MYT1: variants seen among roughly 807,000 people sequenced by gnomAD.
MYT1 encodes myelin transcription factor 1.
A neutral mutation model predicts 123.0 loss-of-function variants in MYT1; 23 were observed. The ratio of observed to expected loss-of-function variants is 0.19; its 90% CI spans 0.13 to 0.26. The LOEUF is 0.26. Among genes scored for constraint, MYT1 ranks in the 10% least tolerant of loss-of-function variants. MYT1 has a pLI of 1.00. For missense variants in MYT1, 1,125 were observed against 1,472.5 expected, an observed-to-expected ratio of 0.76 and a Z score of 3.86; for synonymous variants, 518 against 575.3, an observed-to-expected ratio of 0.90 and a Z score of 1.43.
Position 64,239,880 on chromosome 20 carries a change from G to T in MYT1, c.3214G>T (p.Ala1072Ser). The change falls in exon 22 of 23, where the codon GCC becomes TCC. Residue 1072 changes from alanine to serine, a missense_variant. Ala to Ser is a moderately conservative substitution (Grantham distance 99). Around this residue, in one of 4 missense-constraint regions of MYT1, gnomAD observed 243 missense variants for 323.1 expected, o/e 0.75. Coordinates refer to ENST00000328439, the MANE Select transcript of MYT1 (RefSeq NM_004535.3). ...GLSQALIQSL[A>S]NIRLPHMEPI... ...GAGCCAGGCCCTCATCCAAAGTCTC[G>T]CCAATATCCGCCTTCCGCACATGGT... The T allele has an allele frequency of 6.2e-7, 1 of 1,613,242 alleles. No individual in the cohort carries two copies. The highest frequency in any genetic ancestry group is 8.5e-7 in the Non-Finnish European group (1 of 1,180,028).
At chr20:64,236,102 T>G (rs1984528870) in intron 19 of MYT1, among the ~76,000 whole-genome samples, 1 of 122,776 alleles carries the variant, frequency 8.1e-6, no homozygotes, top group Non-Finnish European at 1.7e-5. Flanking sequence ...ATGGCCGTGG[T>G]GGGTGACCCT....
intron 10 of MYT1, among the ~76,000 whole-genome samples, chr20:64,215,752 T>A (rs998164722): frequency 1.4e-5 from 2 of 146,668 alleles, no homozygotes; most frequent in Non-Finnish European, 3.0e-5. Flanking sequence ...CTGCCTATTT[T>A]TTTTGCGTTT....
chr20:64,239,810 C>T lies in MYT1; in HGVS notation c.3144C>T (p.Leu1048=), dbSNP rs1984659154. The change falls in exon 22 of 23, where the codon CTC becomes CTT. Residue 1048 remains leucine, a synonymous_variant. Transcript: ENST00000328439. ...NLKNIEEENK[L]IEEQNEALFL... ...AGAACATCGAGGAGGAGAACAAGCT[C>T]ATTGAGGAGCAGAATGAAGCCCTGT... 1 of 1,614,008 alleles carries T rather than the reference C, an allele frequency of 6.2e-7. No individual in the cohort carries two copies. Among genetic ancestry groups the T allele is most frequent in the Non-Finnish European group, 8.5e-7 (1 of 1,180,022 alleles).
rs778182789 is a variant in MYT1, at chr20:64,232,435, C to T, written c.2897+50C>T. 2.2e-5 allele frequency: 34 copies of T among 1,569,652 alleles called. 1 individual carries two copies. Among genetic ancestry groups the T allele is most frequent in the African/African-American group, 1.1e-4 (8 of 74,016 alleles). On this transcript the variant is annotated intron_variant, in intron 19 of 22. Coordinates refer to ENST00000328439, the MANE Select transcript of MYT1 (RefSeq NM_004535.3). This position sits in a 1 kb window ranked among gnomAD's most constrained non-coding sequence, Gnocchi z 6.9. ...CCTCTGTGCAGTCAGTAGGGACCCT[C>T]GCCTGGGGCCTGGGGCTGAAGCTCC... is the stretch of plus-strand genomic sequence containing the variant.
chr20:64,165,705 C>T (rs957178845), intron 1 of MYT1, among the ~76,000 whole-genome samples: 35 of 152,046 alleles, frequency 2.3e-4, no homozygotes, highest in African/African-American at 8.0e-4. Flanking sequence ...TGCGGTGGTG[C>T]GGGGGGTTCC....
rs1984717987 is a variant in MYT1, at chr20:64,241,576, T to C, written c.*1128T>C. 1 of 152,626 alleles carries C rather than the reference T, an allele frequency of 6.6e-6. No homozygotes were observed. 9.5% of individuals were successfully genotyped at this position (152,626 alleles called of 1,614,324 possible). A position where few individuals can be genotyped will look rare whatever the true frequency, so the allele number is the denominator to read the frequency against. On this transcript the variant is annotated 3_prime_UTR_variant, in exon 23 of 23. Transcript: ENST00000328439. This position sits in a 1 kb window ranked among gnomAD's most constrained non-coding sequence, Gnocchi z 4.2. ...TTATTTAATTTTGTCAAGATGTAAGTATTTATATTCACAGCCTCTTATGTT... is the reference window on the plus strand; with the variant it reads ...TTATTTAATTTTGTCAAGATGTAAGCATTTATATTCACAGCCTCTTATGTT...
At chr20:64,206,016 C>T (rs535018314) in intron 6 of MYT1, among the ~76,000 whole-genome samples, 34 of 152,028 alleles carry the variant, frequency 2.2e-4, no homozygotes, top group African/African-American at 8.2e-4. Context: ...ACACTGTGTG[C>T]GTAGGAGAGA....
At chr20:64,179,946 T>TAC (rs11472594) in intron 1 of MYT1, among the ~76,000 whole-genome samples, 3 of 150,180 alleles carry the variant, frequency 2.0e-5, no homozygotes, top group Non-Finnish European at 3.0e-5. Context: ...CACACACAGT[T>TAC]ACACATTTGC....
At position 64,221,882 on chromosome 20, in the gene MYT1, G is replaced by T. The variant is rs753591185; in HGVS notation, c.2242-11G>T. The T allele has an allele frequency of 1.5e-5, 24 of 1,612,314 alleles. No individual in the cohort carries two copies. The highest frequency in any genetic ancestry group is 3.3e-5 in the Admixed American group (2 of 59,960). On this transcript the variant is annotated splice_polypyrimidine_tract_variant and intron_variant, in intron 13 of 22. Coordinates refer to ENST00000328439, the MANE Select transcript of MYT1 (RefSeq NM_004535.3). ...AGCCGGTTAAAACATCTTCCTGCTG[G>T]TTTTTTGCAGTCAGAGCCAGCAGCC...
At chr20:64,169,778 C>T (rs1373494171) in intron 1 of MYT1, among the ~76,000 whole-genome samples, 1 of 152,152 alleles carries the variant, frequency 6.6e-6, no homozygotes, top group Non-Finnish European at 1.5e-5. Flanking sequence ...TGACTTAGGT[C>T]GTAAGGGGCA....
At position 64,222,019 on chromosome 20, in the gene MYT1, T is replaced by G; in HGVS notation, c.2368T>G (p.Ser790Ala). ...GACCAACTTTAAGCTGAAGTTTCTC[T>G]CCAAGGACATAAAGAAGGAGCTGCT... ...TLTNFKLKFL[S>A]KDIKKELLTC... The change falls in exon 14 of 23, where the codon TCC becomes GCC. Residue 790 changes from serine to alanine, a missense_variant. Ser to Ala is a moderately conservative substitution (Grantham distance 99). This residue lies in a region of MYT1 where 429 missense variants were observed against 604.1 expected (regional missense o/e 0.71). Coordinates refer to ENST00000328439, the MANE Select transcript of MYT1 (RefSeq NM_004535.3). 1 of 1,613,088 alleles carries G rather than the reference T, an allele frequency of 6.2e-7. No individual in the cohort carries two copies. Among genetic ancestry groups the G allele is most frequent in the Non-Finnish European group, 8.5e-7 (1 of 1,179,990 alleles).
At chr20:64,170,896 G>C (rs866074197) in intron 1 of MYT1, among the ~76,000 whole-genome samples, 1 of 85,236 alleles carries the variant, frequency 1.2e-5, no homozygotes, top group Non-Finnish European at 2.3e-5. Flanking sequence ...GAGAGAGAGA[G>C]AGAGAGAGAG....
intron 1 of MYT1, among the ~76,000 whole-genome samples, chr20:64,171,145 C>A (rs1378441368): frequency 2.0e-5 from 3 of 151,266 alleles, no homozygotes; most frequent in Non-Finnish European, 4.4e-5. Flanking sequence ...TCTTGAACTC[C>A]TGACCTCAGG....
At chr20:64,230,736 G>T (rs781281241) in intron 18 of MYT1, among the ~76,000 whole-genome samples, 8 of 152,222 alleles carry the variant, frequency 5.3e-5, no homozygotes, top group Admixed American at 1.3e-4. Flanking sequence ...CAGTGTCTCT[G>T]CTCTGGACGG....
At chr20:64,217,358 AG>A in intron 11 of MYT1, 77 bp downstream of exon 11, 2 of 1,503,506 alleles carry the variant, frequency 1.3e-6, no homozygotes, top group Non-Finnish European at 1.8e-6. Context: ...GCAGTGGAGG[AG>A]GGACCCTCTC....
rs141944777 is a variant in MYT1, at chr20:64,193,977, C to T, written c.-1+3817C>T. Reference sequence around the variant, plus strand: ...CCCGTGGTGTCAGAATGCCCGGAACCCCCCAGCTCAGCGTTCCCACATATG... The same window carrying T: ...CCCGTGGTGTCAGAATGCCCGGAACTCCCCAGCTCAGCGTTCCCACATATG... On this transcript the variant is annotated intron_variant, in intron 2 of 22. Coordinates refer to ENST00000328439, the MANE Select transcript of MYT1 (RefSeq NM_004535.3). This position sits in a 1 kb window ranked among gnomAD's most constrained non-coding sequence, Gnocchi z 4.0. Among the ~76,000 whole-genome samples, 100 of 152,274 alleles carry T rather than the reference C, an allele frequency of 6.6e-4. No homozygotes were observed. Among genetic ancestry groups the T allele is most frequent in the African/African-American group, 1.6e-3 (68 of 41,536 alleles).
At chr20:64,178,831 G>A (rs1387212889) in intron 1 of MYT1, among the ~76,000 whole-genome samples, 2 of 134,770 alleles carry the variant, frequency 1.5e-5, no homozygotes, top group African/African-American at 3.0e-5. Flanking sequence ...GCCCTTCAAC[G>A]TGGGAGCACT....
chr20:64,223,762 C>T (rs918061537), intron 16 of MYT1, among the ~76,000 whole-genome samples: 5 of 152,162 alleles, frequency 3.3e-5, no homozygotes, highest in Admixed American at 6.5e-5. Flanking sequence ...CTCGGCAGGC[C>T]ACAGGCTGTG....
At chr20:64,223,033 C>A in intron 14 of MYT1, 78 bp from the exon 15 acceptor site, 1 of 1,544,726 alleles carries the variant, frequency 6.5e-7, no homozygotes, top group Non-Finnish European at 8.9e-7. Context: ...GGGCACCAGT[C>A]TCCCTCGCAG....
Sources: allele counts gnomAD v4.1 joint callset (sites outside exome capture counted in the v4.1 genomes callset), GRCh38; gene constraint gnomAD v4.1.1; regional missense constraint gnomAD v4.1.1; non-coding constraint Gnocchi (gnomAD v3.1); transcripts MANE v1.5; gene names NCBI Gene and HGNC (gene_info 2026-07-23, HGNC 2026-07-21).